RETNLB: variants seen among roughly 807,000 people sequenced by gnomAD.
The protein encoded by RETNLB is resistin-like beta.
In RETNLB, 11 loss-of-function variants were observed where a neutral mutation model predicts 6.8. That is an observed-to-expected ratio of 1.62 (90% CI 1.02 to 2.68). The LOEUF (loss-of-function observed/expected upper bound fraction) is 2.68, where lower values mean the gene tolerates loss of function less well. Ranked by LOEUF, RETNLB falls within the 30% of genes most tolerant of loss-of-function variation. The pLI is 0.00. For missense variants in RETNLB, 146 were observed against 135.7 expected, an observed-to-expected ratio of 1.08 and a Z score of -0.38; for synonymous variants, 57 against 54.2, an observed-to-expected ratio of 1.05 and a Z score of -0.23.
rs145650386 is a variant in RETNLB at position 108,757,174 on chromosome 3, G to A, written c.12C>T (p.Ser4=). 7.4e-6 allele frequency: 12 copies of A among 1,613,412 alleles called. No homozygotes were observed. The highest frequency in any genetic ancestry group is 4.0e-5 in the African/African-American group (3 of 74,874). The part of the protein sequence containing the change: MGP[S]SCLLLILIPL... ...GGATTAGGATGAGAAGGAGGCAAGA[G>A]GACGGCCCCATCCTGTACAGAGTCA... The change falls in exon 1 of 3, where the codon TCC becomes TCT. Residue 4 remains serine, a synonymous_variant. Coordinates refer to ENST00000295755, the MANE Select transcript of RETNLB (RefSeq NM_032579.3).
rs1366936607 is a variant in RETNLB at position 108,757,189 on chromosome 3, G to C, written c.-4C>G. 3.1e-6 allele frequency: 5 copies of C among 1,611,440 alleles called. No homozygotes were observed. The highest frequency in any genetic ancestry group is 4.2e-6 in the Non-Finnish European group (5 of 1,178,802). On this transcript the variant is annotated 5_prime_UTR_variant, in exon 1 of 3. Transcript: ENST00000295755. ...GGAGGCAAGAGGACGGCCCCATCCTGTACAGAGTCAGTGTCCTGGGGCTGG... is the reference window on the plus strand; with the variant it reads ...GGAGGCAAGAGGACGGCCCCATCCTCTACAGAGTCAGTGTCCTGGGGCTGG...
chr3:108,757,058 C>G lies in RETNLB; in HGVS notation c.127+1G>C, dbSNP rs758713510. 6.2e-7 allele frequency: 1 copy of G among 1,613,222 alleles called. No homozygotes were observed. Among genetic ancestry groups the G allele is most frequent in the African/African-American group, 1.3e-5 (1 of 75,016 alleles). On this transcript the variant is annotated splice_donor_variant, in intron 1 of 2. Coordinates refer to ENST00000295755, the MANE Select transcript of RETNLB (RefSeq NM_032579.3). LOFTEE classifies it high-confidence loss of function. ...CCGCTTCCCCTACCCCAGTCAGTTA[C>G]CTAGACTGTTGAGAACATCCTTGAT...
In RETNLB at chr3:108,756,609, G is replaced by T. The variant is rs753109597; in HGVS notation, c.128-21C>A. On this transcript the variant is annotated intron_variant, in intron 1 of 2. Transcript: ENST00000295755. The stretch of plus-strand genomic sequence containing the variant: ...GTACTCTGAGTAGGAAAGAAGAAAG[G>T]GTACATCCCATGAGCTATCCTCCCC... The T allele has an allele frequency of 2.4e-5, 37 of 1,532,102 alleles. 1 individual carries two copies. In the Middle Eastern group the frequency reaches 1.5e-3, roughly 63 times the overall value. The allele number at this position is 1,532,102 out of a possible 1,614,324, so 94.9% of individuals were successfully genotyped here. A position where few individuals can be genotyped will look rare whatever the true frequency, so the allele number is the denominator to read the frequency against.
intron 1 of RETNLB, 48 bp downstream of exon 1, chr3:108,757,011 G>T: frequency 4.4e-6 from 7 of 1,588,478 alleles, no homozygotes; most frequent in Non-Finnish European, 6.0e-6. Context: ...AAGAACAGGA[G>T]AAATGAGCAA....
rs769869256 is a variant in RETNLB, at chr3:108,757,226, G to C, written c.-41C>G. Reference sequence around the variant, plus strand: ...TGTCCTGGGGCTGGGAGAAAAGATGGAAAGCAGCTTAGATCTCTGAGCTCC... The same window carrying C: ...TGTCCTGGGGCTGGGAGAAAAGATGCAAAGCAGCTTAGATCTCTGAGCTCC... On this transcript the variant is annotated 5_prime_UTR_variant, in exon 1 of 3. Transcript: ENST00000295755. 1 of 1,591,388 alleles carries C rather than the reference G, an allele frequency of 6.3e-7. No individual in the cohort carries two copies. Among genetic ancestry groups the C allele is most frequent in the Middle Eastern group, 2.0e-4 (1 of 5,020 alleles).
rs1945246910 is a variant in RETNLB, at chr3:108,755,968, C to T, written c.209-63G>A. On this transcript the variant is annotated intron_variant, in intron 2 of 2. Transcript: ENST00000295755. ...GGAATTTAAGAGGAGGAAGGGCTAC[C>T]CACAACCATCTTTCAACCCTGTGCA... 22 of 1,602,306 alleles carry T rather than the reference C, an allele frequency of 1.4e-5. No individual in the cohort carries two copies. The South Asian group carries it at 2.2e-4, about 16-fold the overall frequency.
intron 1 of RETNLB, 25 bp from the exon 2 acceptor site, chr3:108,756,613 C>T (rs746481631): frequency 1.1e-5 from 17 of 1,503,628 alleles, no homozygotes; most frequent in Admixed American, 1.7e-5. Context: ...AGAAAGGGTA[C>T]ATCCCATGAG....
chr3:108,757,247 G>C lies in RETNLB; in HGVS notation c.-62C>G, dbSNP rs2107483074. 6.4e-7 allele frequency: 1 copy of C among 1,552,856 alleles called. No individual in the cohort carries two copies. Among genetic ancestry groups the C allele is most frequent in the East Asian group, 2.3e-5 (1 of 44,244 alleles). The stretch of plus-strand genomic sequence containing the variant: ...GATGGAAAGCAGCTTAGATCTCTGA[G>C]CTCCTGGGTGGTGGTGAAGGAAAGA... On this transcript the variant is annotated 5_prime_UTR_variant, in exon 1 of 3. Transcript: ENST00000295755.
chr3:108,756,742 AG>A, intron 1 of RETNLB, 154 bp from the exon 2 acceptor site: 1 of 629,874 alleles, frequency 1.6e-6, no homozygotes, highest in Non-Finnish European at 2.8e-6. Context: ...TTTTTAAAGC[AG>A]AAGTAATAGT....
chr3:108,756,617 C>A (rs1381956291), intron 1 of RETNLB, 29 bp from the exon 2 acceptor site: 4 of 1,470,072 alleles, frequency 2.7e-6, no homozygotes, highest in Non-Finnish European at 2.9e-6. Context: ...AGGGTACATC[C>A]CATGAGCTAT....
Position 108,755,918 on chromosome 3 carries a change from A to G in RETNLB, c.209-13T>C, listed in dbSNP as rs1176139296. 1 of 1,614,084 alleles carries G rather than the reference A, an allele frequency of 6.2e-7. No individual in the cohort carries two copies. Among genetic ancestry groups the G allele is most frequent in the East Asian group, 2.2e-5 (1 of 44,896 alleles). ...GTGACAGCCATCCCTGCATGAGCAC[A>G]TGAAGCACAGACATCAGAGCTCTTG... On this transcript the variant is annotated splice_polypyrimidine_tract_variant and intron_variant, in intron 2 of 2. Coordinates refer to ENST00000295755, the MANE Select transcript of RETNLB (RefSeq NM_032579.3).
chr3:108,757,024 G>T, intron 1 of RETNLB, 35 bp downstream of exon 1: 1 of 1,602,106 alleles, frequency 6.2e-7, no homozygotes, highest in Non-Finnish European at 8.5e-7. Context: ...ATGAGCAAGG[G>T]TCAACCCCCC....
At chr3:108,757,001 A>C in intron 1 of RETNLB, 58 bp downstream of exon 1, 1 of 1,573,884 alleles carries the variant, frequency 6.4e-7, no homozygotes, top group South Asian at 1.2e-5. Context: ...GCTAGAGTTT[A>C]AGAACAGGAG....
intron 2 of RETNLB, 102 bp downstream of exon 2, chr3:108,756,406 G>T: frequency 2.4e-6 from 2 of 816,858 alleles, no homozygotes; most frequent in South Asian, 1.5e-5. Flanking sequence ...AGGGTGCCAG[G>T]GTGATACAGA....
intron 1 of RETNLB, 33 bp from the exon 2 acceptor site, chr3:108,756,621 G>A: frequency 7.0e-7 from 1 of 1,430,998 alleles, no homozygotes; most frequent in Non-Finnish European, 9.9e-7. Context: ...TACATCCCAT[G>A]AGCTATCCTC....
intron 1 of RETNLB, 182 bp downstream of exon 1, chr3:108,756,877 C>T: frequency 1.5e-6 from 1 of 661,650 alleles, no homozygotes; most frequent in Non-Finnish European, 2.5e-6. Flanking sequence ...CCTCTTCCTC[C>T]TCATCAGGAA....
rs111718322 is a variant in RETNLB, at chr3:108,755,787, G to A, written c.327C>T (p.His109=). 15 of 1,613,874 alleles carry A rather than the reference G, an allele frequency of 9.3e-6. No individual in the cohort carries two copies. Among genetic ancestry groups the A allele is most frequent in the Middle Eastern group, 1.6e-4 (1 of 6,078 alleles). ...VVDWTTARCC[H]LT ...CTCAGCCTCCTCCCTGTCAGGTCAG[G>A]TGGCAGCAGCGGGCAGTGGTCCAGT... Residue 109 remains histidine (H), a synonymous_variant, in exon 3 of 3, where the codon CAC becomes CAT. Coordinates refer to ENST00000295755, the MANE Select transcript of RETNLB (RefSeq NM_032579.3).
chr3:108,757,252 T>C lies in RETNLB; in HGVS notation c.-67A>G, dbSNP rs1576500547. The C allele has an allele frequency of 1.3e-6, 2 of 1,536,640 alleles. No individual in the cohort carries two copies. Among genetic ancestry groups the C allele is most frequent in the East Asian group, 2.3e-5 (1 of 44,092 alleles). On this transcript the variant is annotated 5_prime_UTR_variant, in exon 1 of 3. Coordinates refer to ENST00000295755, the MANE Select transcript of RETNLB (RefSeq NM_032579.3). ...AAAGCAGCTTAGATCTCTGAGCTCC[T>C]GGGTGGTGGTGAAGGAAAGAAGACA...
chr3:108,756,123 G>A (rs906041971), intron 2 of RETNLB, among the ~76,000 whole-genome samples: 3 of 152,214 alleles, frequency 2.0e-5, no homozygotes, highest in Admixed American at 2.0e-4. Flanking sequence ...GCAAGTGAGA[G>A]ACTTGGAACT....
Sources: gnomAD v4.1 joint callset for allele counts (sites outside exome capture counted in the v4.1 genomes callset) on GRCh38, gnomAD v4.1.1 for gene constraint, MANE v1.5 for transcripts, NCBI Gene and HGNC (gene_info 2026-07-23, HGNC 2026-07-21) for gene names.